The following SIK3 variants were observed in gnomAD, a reference collection of about 807,000 sequenced individuals.
The protein encoded by SIK3 is serine/threonine-protein kinase SIK3.
Under a neutral mutation model 144.2 loss-of-function variants are expected in SIK3, and 28 were observed. The ratio of observed to expected loss-of-function variants is 0.19; its 90% CI spans 0.14 to 0.27. SIK3 has a LOEUF of 0.27. SIK3 is among the 10% of genes least tolerant of loss of function. The probability of loss-of-function intolerance (pLI) is 1.00; values close to 1 mark genes in which losing one functional copy is unlikely to be tolerated. For synonymous variants in SIK3, 686 were observed against 676.3 expected (o/e 1.01, Z -0.22); for missense variants, 1,319 against 1,776.0 (o/e 0.74, Z 4.62).
chr11:116,848,892 G>C (rs879401801), intron 22 of SIK3, among the ~76,000 whole-genome samples: 1 of 152,224 alleles, frequency 6.6e-6, no homozygotes, highest in Non-Finnish European at 1.5e-5. Context: ...GAACTGGGGA[G>C]GTAGAAGTTG....
At chr11:116,869,859 G>C (rs1943871888) in intron 14 of SIK3, 2 of 318,628 alleles carry the variant, frequency 6.3e-6, no homozygotes, top group Admixed American at 4.3e-5. Flanking sequence ...TTGGTACAAG[G>C]GGGTGGAAGA....
intron 1 of SIK3, chr11:117,015,963 C>T (rs903511642): frequency 2.0e-5 from 3 of 151,990 alleles, no homozygotes; most frequent in African/African-American, 7.3e-5. Flanking sequence ...TGGTATACAA[C>T]CCCCCATTGC....
chr11:116,997,074 A>G (rs1326165203), intron 1 of SIK3, among the ~76,000 whole-genome samples: 1 of 152,212 alleles, frequency 6.6e-6, no homozygotes, highest in Non-Finnish European at 1.5e-5. Flanking sequence ...GCAATTTTAC[A>G]TCTCTCTGAT....
chr11:116,928,570 A>T (rs547732153), intron 3 of SIK3, among the ~76,000 whole-genome samples: 1 of 152,272 alleles, frequency 6.6e-6, no homozygotes, highest in African/African-American at 2.4e-5. Flanking sequence ...TCTTTCCTTC[A>T]CCACAAAGAG....
chr11:117,090,601 C>A (rs1025489556), intron 1 of SIK3, among the ~76,000 whole-genome samples: 1 of 152,182 alleles, frequency 6.6e-6, no homozygotes, highest in East Asian at 1.9e-4. Context: ...TGTATAATTA[C>A]CAATATTCCC....
intron 4 of SIK3, among the ~76,000 whole-genome samples, chr11:116,905,661 T>A (rs914560090): frequency 1.1e-4 from 16 of 152,228 alleles, no homozygotes; most frequent in African/African-American, 3.9e-4. Context: ...GCTGTCCCAG[T>A]GGATGTGAAA....
At chr11:117,029,283 GGT>G (rs151165597) in intron 1 of SIK3, among the ~76,000 whole-genome samples, 10,614 of 151,902 alleles carry the variant, frequency 0.07, 652 homozygotes, top group African/African-American at 0.16. Flanking sequence ...TGGGCAACAT[GGT>G]GAAACCCTGG....
chr11:116,867,269 A>G lies in SIK3; in HGVS notation c.1952+677T>C, dbSNP rs1400068135. ...GTCATCAAGATAGTCACAGAAGATA[A>G]TCATCTTCTTCAACTAGCAAAGTGT... On this transcript the variant is annotated intron_variant, in intron 15 of 24. Coordinates refer to ENST00000445177, the MANE Select transcript of SIK3 (RefSeq NM_001366686.3). This position sits in a 1 kb window ranked among gnomAD's most constrained non-coding sequence, Gnocchi z 4.1. Among the ~76,000 whole-genome samples the G allele has an allele frequency of 6.6e-6, 1 of 152,184 alleles. No individual in the cohort carries two copies. The highest frequency in any genetic ancestry group is 1.5e-5 in the Non-Finnish European group (1 of 68,018).
intron 4 of SIK3, among the ~76,000 whole-genome samples, chr11:116,902,550 C>T (rs1162255836): frequency 6.6e-6 from 1 of 152,210 alleles, no homozygotes; most frequent in Non-Finnish European, 1.5e-5. Flanking sequence ...TGCAGAAGCA[C>T]CTGCTTCCAC....
chr11:116,915,574 G>C (rs1946588270), intron 4 of SIK3, among the ~76,000 whole-genome samples: 1 of 152,008 alleles, frequency 6.6e-6, no homozygotes, highest in African/African-American at 2.4e-5. Flanking sequence ...TAGATAGATA[G>C]ATATAGATAC....
At chr11:117,097,672 C>G (rs112492825) in intron 1 of SIK3, among the ~76,000 whole-genome samples, 3 of 152,028 alleles carry the variant, frequency 2.0e-5, no homozygotes, top group African/African-American at 7.3e-5. Flanking sequence ...AGTCCGTGCC[C>G]CAGCCGTCCT....
chr11:117,078,980 T>A (rs1954670013), intron 1 of SIK3, among the ~76,000 whole-genome samples: 1 of 132,592 alleles, frequency 7.5e-6, no homozygotes, highest in African/African-American at 3.7e-5. Context: ...CAGAATTAAG[T>A]ATGATATCCT....
chr11:117,023,629 TA>T (rs1951889443), intron 1 of SIK3, among the ~76,000 whole-genome samples: 1 of 139,642 alleles, frequency 7.2e-6, no homozygotes, highest in Non-Finnish European at 1.5e-5. Context: ...AAAATATATA[TA>T]TATATATATA....
intron 1 of SIK3, among the ~76,000 whole-genome samples, chr11:117,091,721 A>G (rs1417662093): frequency 6.6e-6 from 1 of 152,208 alleles, no homozygotes; most frequent in African/African-American, 2.4e-5. Flanking sequence ...TGTGCCAAGA[A>G]ATGCATCAGA....
At chr11:116,958,209 G>A (rs1949215270) in intron 1 of SIK3, among the ~76,000 whole-genome samples, 1 of 152,048 alleles carries the variant, frequency 6.6e-6, no homozygotes, top group South Asian at 2.1e-4. Context: ...GAAAAAATCA[G>A]GAAAACAAAA....
chr11:116,959,740 T>C (rs1053715907), intron 1 of SIK3, among the ~76,000 whole-genome samples: 2 of 152,126 alleles, frequency 1.3e-5, no homozygotes, highest in African/African-American at 4.8e-5. Context: ...AGCCACACAA[T>C]CACGTGGGTA....
intron 1 of SIK3, among the ~76,000 whole-genome samples, chr11:117,067,411 C>T (rs966017486): frequency 6.6e-6 from 1 of 152,006 alleles, no homozygotes; most frequent in Non-Finnish European, 1.5e-5. Context: ...TTAAAGAATG[C>T]TGATGAAAGA....
intron 1 of SIK3, among the ~76,000 whole-genome samples, chr11:116,962,709 G>A (rs991840573): frequency 1.3e-5 from 2 of 152,058 alleles, no homozygotes; most frequent in South Asian, 2.1e-4. Flanking sequence ...CACCAGCCAC[G>A]TGTAACTATC....
chr11:116,892,732 A>C (rs1302123288), intron 6 of SIK3, among the ~76,000 whole-genome samples: 1 of 152,218 alleles, frequency 6.6e-6, no homozygotes. Context: ...TAACCAAATG[A>C]ATTAAAAATT....
Sources: allele counts gnomAD v4.1 joint callset (sites outside exome capture counted in the v4.1 genomes callset), GRCh38; gene constraint gnomAD v4.1.1; non-coding constraint Gnocchi (gnomAD v3.1); transcripts MANE v1.5; gene names NCBI Gene and HGNC (gene_info 2026-07-23, HGNC 2026-07-21).